The following RAD51B variants were observed in gnomAD, a reference collection of about 807,000 sequenced individuals.
RAD51B encodes the protein DNA repair protein RAD51 homolog 2.
RAD51B carries 38 observed loss-of-function variants against 42.2 expected under a neutral mutation model. The observed-to-expected ratio is 0.90, with a 90% CI of 0.70 to 1.18. The LOEUF (loss-of-function observed/expected upper bound fraction) is 1.18. Ranked by LOEUF, RAD51B falls within the 50% of genes most tolerant of loss-of-function variation. RAD51B has a pLI of 0.00. For synonymous variants in RAD51B, 154 were observed against 145.2 expected, an observed-to-expected ratio of 1.06 and a Z score of -0.43; for missense variants, 373 against 400.7, an observed-to-expected ratio of 0.93 and a Z score of 0.59.
chr14:68,647,925 G>A (rs868620262), intron 10 of RAD51B, among the ~76,000 whole-genome samples: 1 of 150,790 alleles, frequency 6.6e-6, no homozygotes, highest in African/African-American at 2.4e-5. Flanking sequence ...GGATCCACCC[G>A]CCTTGGCCTC....
intron 10 of RAD51B, chr14:68,562,627 A>G: frequency 1.0e-6 from 1 of 985,416 alleles, no homozygotes; most frequent in Non-Finnish European, 1.2e-6. Context: ...TCTCTGTTCT[A>G]ATGATCAGCT....
chr14:68,392,012 T>A (rs573642199), intron 8 of RAD51B, among the ~76,000 whole-genome samples: 2 of 152,314 alleles, frequency 1.3e-5, no homozygotes, highest in East Asian at 3.9e-4. Flanking sequence ...CAAAGCATCA[T>A]TTAGGAAGAG....
chr14:68,311,975 C>A (rs2081975056), intron 8 of RAD51B, among the ~76,000 whole-genome samples: 1 of 152,214 alleles, frequency 6.6e-6, no homozygotes, highest in South Asian at 2.1e-4. Flanking sequence ...CCCATTGAAA[C>A]TCAGCATTGT....
At chr14:67,829,750 T>C (rs1246847364) in intron 3 of RAD51B, among the ~76,000 whole-genome samples, 2 of 152,196 alleles carry the variant, frequency 1.3e-5, no homozygotes, top group Non-Finnish European at 2.9e-5. Context: ...AAGGCTATCA[T>C]GGTGAACAAG....
intron 7 of RAD51B, among the ~76,000 whole-genome samples, chr14:68,111,222 T>C (rs1004362441): frequency 6.6e-6 from 1 of 152,098 alleles, no homozygotes; most frequent in Non-Finnish European, 1.5e-5. Context: ...TAAATTCTTT[T>C]ATTGTCGCCA....
chr14:67,851,034 C>T (rs117243970), intron 4 of RAD51B, among the ~76,000 whole-genome samples: 189 of 152,246 alleles, frequency 1.2e-3, no homozygotes, highest in Non-Finnish European at 2.3e-3. Flanking sequence ...GGCTCCTCTG[C>T]TCTCCAATGT....
chr14:68,110,848 A>G (rs2077449410), intron 7 of RAD51B, among the ~76,000 whole-genome samples: 2 of 152,034 alleles, frequency 1.3e-5, no homozygotes, highest in East Asian at 1.9e-4. Context: ...AGCTTCCTTT[A>G]CAAAAATCTT....
At chr14:68,324,129 C>T (rs533711660) in intron 8 of RAD51B, among the ~76,000 whole-genome samples, 21 of 152,242 alleles carry the variant, frequency 1.4e-4, no homozygotes, top group African/African-American at 4.8e-4. Flanking sequence ...TTTATAAGTG[C>T]CTGGCATATT....
chr14:68,494,436 C>CT (rs1419921036), intron 10 of RAD51B, among the ~76,000 whole-genome samples: 4 of 152,138 alleles, frequency 2.6e-5, no homozygotes, highest in African/African-American at 9.7e-5. Context: ...CCGAGGCACT[C>CT]TAACAGTCAG....
intron 7 of RAD51B, among the ~76,000 whole-genome samples, chr14:68,108,967 CCTTA>C (rs1303669302): frequency 1.3e-5 from 2 of 151,834 alleles, no homozygotes; most frequent in African/African-American, 2.4e-5. Context: ...TTGTCTATTG[CCTTA>C]CTTTATACCA....
intron 3 of RAD51B, among the ~76,000 whole-genome samples, chr14:67,833,599 A>C (rs546184368): frequency 2.0e-5 from 3 of 152,314 alleles, no homozygotes; most frequent in African/African-American, 7.2e-5. Context: ...GTGTGTATAC[A>C]CTTGGCAAAG....
At chr14:68,468,414 A>C in intron 10 of RAD51B, 164 bp downstream of exon 10, 1 of 797,922 alleles carries the variant, frequency 1.3e-6, no homozygotes, top group Non-Finnish European at 2.2e-6. Flanking sequence ...AGAGAGCGGC[A>C]GTTGTGGCAA....
At chr14:68,225,896 C>G (rs537536398) in intron 7 of RAD51B, among the ~76,000 whole-genome samples, 1 of 152,288 alleles carries the variant, frequency 6.6e-6, no homozygotes, top group South Asian at 2.1e-4. Flanking sequence ...TTGGAGTAGA[C>G]TACTGAGAAA....
intron 10 of RAD51B, among the ~76,000 whole-genome samples, chr14:68,583,634 G>A (rs1242012910): frequency 1.3e-5 from 2 of 152,208 alleles, no homozygotes; most frequent in African/African-American, 2.4e-5. Context: ...GCTCCATTTA[G>A]CACTAGGAAG....
At chr14:68,459,330 C>G (rs989102282) in intron 9 of RAD51B, among the ~76,000 whole-genome samples, 1 of 152,210 alleles carries the variant, frequency 6.6e-6, no homozygotes, top group African/African-American at 2.4e-5. Context: ...AGCTTCAAAG[C>G]AGCTGAGAAA....
chr14:68,596,737 T>C (rs1891012703), downstream of RAD51B, among the ~76,000 whole-genome samples: 1 of 152,272 alleles, frequency 6.6e-6, no homozygotes, highest in African/African-American at 2.4e-5. Flanking sequence ...CAGCTACTCC[T>C]CATCACCATC....
intron 8 of RAD51B, among the ~76,000 whole-genome samples, chr14:68,374,413 G>A (rs141579152): frequency 3.3e-5 from 5 of 152,322 alleles, no homozygotes; most frequent in African/African-American, 9.6e-5. Context: ...AGGCATGCAT[G>A]TTCCTGACTG....
At chr14:68,598,798 G>T (rs1240739066), downstream of RAD51B, among the ~76,000 whole-genome samples, 2 of 152,218 alleles carry the variant, frequency 1.3e-5, no homozygotes, top group African/African-American at 2.4e-5. Flanking sequence ...CTGTCAGCAG[G>T]CATGGAAGAG....
At chr14:68,185,926 C>G (rs1202246173) in intron 7 of RAD51B, among the ~76,000 whole-genome samples, 1 of 152,192 alleles carries the variant, frequency 6.6e-6, no homozygotes, top group Non-Finnish European at 1.5e-5. Flanking sequence ...TCTAAAAACT[C>G]TCCCTTTGAG....
Sources: allele counts gnomAD v4.1 joint callset (sites outside exome capture counted in the v4.1 genomes callset), GRCh38; gene constraint gnomAD v4.1.1; transcripts MANE v1.5; gene names NCBI Gene and HGNC (gene_info 2026-07-23, HGNC 2026-07-21).